The following POLR3G variants were observed in gnomAD, a reference collection of about 807,000 sequenced individuals.
POLR3G encodes the protein RNA polymerase III subunit G.
Under a neutral mutation model 30.1 loss-of-function variants are expected in POLR3G, and 28 were observed. That is an observed-to-expected ratio of 0.93 (90% CI 0.69 to 1.27). The LOEUF (loss-of-function observed/expected upper bound fraction) is 1.27, where lower values mean the gene tolerates loss of function less well. Among genes scored for constraint, POLR3G ranks in the 50% most tolerant of loss-of-function variants. POLR3G has a pLI of 0.00. For missense variants in POLR3G, 254 were observed against 264.6 expected (o/e 0.96, Z 0.28); for synonymous variants, 79 against 82.5 (o/e 0.96, Z 0.23).
Position 90,512,252 on chromosome 5 carries a change from C to CAAAT in POLR3G, c.*115_*118dup. On this transcript the variant is annotated 3_prime_UTR_variant, in exon 8 of 8. Coordinates refer to ENST00000651687, the MANE Select transcript of POLR3G (RefSeq NM_006467.3). ...AAGTACTTGTTTCTGTTGTTTTGGA[C>CAAAT]AAATAGTTGTTACCAAAATATTCAA... The CAAAT allele has an allele frequency of 1.4e-6, 1 of 697,444 alleles. No individual in the cohort carries two copies. Among genetic ancestry groups the CAAAT allele is most frequent in the African/African-American group, 1.8e-5 (1 of 55,656 alleles). The allele number at this position is 697,444 out of a possible 1,614,324, so 43.2% of individuals were successfully genotyped here.
Position 90,501,932 on chromosome 5 carries a change from G to A in POLR3G, c.382G>A (p.Asp128Asn), listed in dbSNP as rs765230301. ...KAGPKPKKAK[D>N]AGKGTPLTNT... ...AGGCCCAAAACCCAAAAAGGCAAAA[G>A]ACGCAGGCAAAGGCACACCACTCAC... Residue 128 changes from aspartate to asparagine, a missense_variant, in exon 6 of 8, where the codon GAC becomes AAC. Physicochemically the swap from Asp to Asn is conservative, Grantham distance 23. Coordinates refer to ENST00000651687, the MANE Select transcript of POLR3G (RefSeq NM_006467.3). 6.2e-7 allele frequency: 1 copy of A among 1,613,516 alleles called. No homozygotes were observed. Among genetic ancestry groups the A allele is most frequent in the Non-Finnish European group, 8.5e-7 (1 of 1,179,660 alleles).
intron 3 of POLR3G, among the ~76,000 whole-genome samples, chr5:90,495,006 T>C (rs1561253622): frequency 6.6e-6 from 1 of 152,160 alleles, no homozygotes; most frequent in Non-Finnish European, 1.5e-5. Flanking sequence ...GTTTTATAGA[T>C]TAAAAACTTG....
intron 6 of POLR3G, among the ~76,000 whole-genome samples, chr5:90,505,639 T>G (rs1338706603): frequency 6.6e-6 from 1 of 152,200 alleles, no homozygotes; most frequent in African/African-American, 2.4e-5. Context: ...GATTTGAGTT[T>G]TAATTTCTCT....
intron 5 of POLR3G, among the ~76,000 whole-genome samples, chr5:90,500,769 T>G (rs1447986646): frequency 6.6e-6 from 1 of 152,160 alleles, no homozygotes; most frequent in Non-Finnish European, 1.5e-5. Context: ...TACCACAATC[T>G]AAAAATTTTC....
intron 3 of POLR3G, among the ~76,000 whole-genome samples, chr5:90,493,935 C>T (rs1026799043): frequency 1.3e-5 from 2 of 151,724 alleles, no homozygotes; most frequent in African/African-American, 4.8e-5. Flanking sequence ...GTCTTGAACT[C>T]CTGACCTATT....
chr5:90,511,921 C>T (rs548121103), intron 7 of POLR3G, 132 bp from the exon 8 acceptor site: 22 of 624,284 alleles, frequency 3.5e-5, no homozygotes, highest in African/African-American at 1.8e-4. Context: ...AGGAAGAAAG[C>T]GGCACAGGTA....
intron 5 of POLR3G, among the ~76,000 whole-genome samples, chr5:90,500,416 G>T (rs1752192068): frequency 6.6e-6 from 1 of 151,944 alleles, no homozygotes; most frequent in African/African-American, 2.4e-5. Flanking sequence ...CTTCAACAAA[G>T]GTTTATGTTA....
At chr5:90,503,736 T>C (rs1752358757) in intron 6 of POLR3G, among the ~76,000 whole-genome samples, 1 of 152,212 alleles carries the variant, frequency 6.6e-6, no homozygotes, top group African/African-American at 2.4e-5. Flanking sequence ...TTTTTTATAA[T>C]AGAGCATTCG....
At chr5:90,498,878 A>G (rs1364823983) in intron 5 of POLR3G, among the ~76,000 whole-genome samples, 1 of 152,184 alleles carries the variant, frequency 6.6e-6, no homozygotes, top group African/African-American at 2.4e-5. Context: ...CTTGTAGTCA[A>G]ATGGGGTAAA....
chr5:90,514,232 T>C lies in POLR3G; in HGVS notation c.*2093T>C, dbSNP rs1231094801. 6.6e-6 allele frequency: 1 copy of C among 152,216 alleles called. No individual in the cohort carries two copies. The highest frequency in any genetic ancestry group is 2.4e-5 in the African/African-American group (1 of 41,452). The allele number at this position is 152,216 out of a possible 1,614,324, so 9.4% of individuals were successfully genotyped here. On this transcript the variant is annotated 3_prime_UTR_variant, in exon 8 of 8. Coordinates refer to ENST00000651687, the MANE Select transcript of POLR3G (RefSeq NM_006467.3). ...ATTTTTCTGGCTTAAAATCTGGGAC[T>C]GTGAAATTATTCCATAGGAAAGTGA...
chr5:90,508,834 C>T (rs766234766), intron 7 of POLR3G, among the ~76,000 whole-genome samples: 35 of 152,094 alleles, frequency 2.3e-4, no homozygotes, highest in South Asian at 4.1e-4. Context: ...GAGGCCAAGG[C>T]GGGTGGATCA....
chr5:90,507,896 TTC>T (rs1218845008), intron 7 of POLR3G, among the ~76,000 whole-genome samples: 3 of 152,284 alleles, frequency 2.0e-5, no homozygotes, highest in East Asian at 3.9e-4. Context: ...CCTTTATTGG[TTC>T]TCTGTTTTAA....
At chr5:90,488,196 A>T (rs1193345791) in intron 3 of POLR3G, 67 bp downstream of exon 3, 1 of 1,253,662 alleles carries the variant, frequency 8.0e-7, no homozygotes, top group African/African-American at 1.5e-5. Context: ...TAAGCACAAG[A>T]TATATAATCA....
At position 90,512,231 on chromosome 5, in the gene POLR3G, AC is replaced by A. The variant is rs1435214684; in HGVS notation, c.*93del. ...ATTTTATTTCTGATAAGGAATAAGT[AC>A]TTGTTTCTGTTGTTTTGGACAAATA... On this transcript the variant is annotated 3_prime_UTR_variant, in exon 8 of 8. Transcript: ENST00000651687. 6.0e-6 allele frequency: 5 copies of A among 832,302 alleles called. No homozygotes were observed. The Admixed American group carries it at 8.7e-5, about 14-fold the overall frequency. The allele number at this position is 832,302 out of a possible 1,614,324, so 51.6% of individuals were successfully genotyped here. A position where few individuals can be genotyped will look rare whatever the true frequency, so the allele number is the denominator to read the frequency against.
At chr5:90,503,013 A>G (rs1051334534) in intron 6 of POLR3G, among the ~76,000 whole-genome samples, 7 of 152,194 alleles carry the variant, frequency 4.6e-5, no homozygotes, top group African/African-American at 1.2e-4. Context: ...ACTGTATGAA[A>G]TGGATAGCTA....
chr5:90,511,028 G>C (rs1752716687), intron 7 of POLR3G, among the ~76,000 whole-genome samples: 1 of 152,056 alleles, frequency 6.6e-6, no homozygotes. Flanking sequence ...ACTAGTAAAA[G>C]AAACACCCAT....
At position 90,495,719 on chromosome 5, in the gene POLR3G, A is replaced by G; in HGVS notation, c.290A>G (p.Glu97Gly). The change falls in exon 4 of 8, where the codon GAA (glutamate) becomes GGA (glycine). Residue 97 changes from glutamate to glycine, a missense_variant. Physicochemically the swap from Glu to Gly is moderately conservative, Grantham distance 98. Transcript: ENST00000651687. ...AAAAGATACATGAAGGTATACAAGG[A>G]AGAATGGATACCAGGTAACTACAAA... Reference protein sequence around the residue: ...YSKRYMKVYKEEWIPDWRRLP... With the variant: ...YSKRYMKVYKGEWIPDWRRLP... 3 of 1,598,562 alleles carry G rather than the reference A, an allele frequency of 1.9e-6. No individual in the cohort carries two copies. The highest frequency in any genetic ancestry group is 1.1e-5 in the South Asian group (1 of 87,246).
chr5:90,497,619 G>A (rs764890838), intron 4 of POLR3G, 37 bp from the exon 5 acceptor site: 20 of 1,571,776 alleles, frequency 1.3e-5, no homozygotes, highest in Non-Finnish European at 1.7e-5. Context: ...AATTCCTAGA[G>A]GAAACTGCAA....
intron 6 of POLR3G, among the ~76,000 whole-genome samples, chr5:90,504,166 A>C (rs1463579951): frequency 6.9e-6 from 1 of 145,182 alleles, no homozygotes; most frequent in Non-Finnish European, 1.5e-5. Context: ...GTGTGGTGGA[A>C]ATAAAGATGA....
Sources: gnomAD v4.1 joint callset for allele counts (sites outside exome capture counted in the v4.1 genomes callset) on GRCh38, gnomAD v4.1.1 for gene constraint, MANE v1.5 for transcripts, NCBI Gene and HGNC (gene_info 2026-07-23, HGNC 2026-07-21) for gene names.